Variants in NEK10 observed in about 807,000 individuals in gnomAD.
NEK10 encodes the protein serine/threonine-protein kinase Nek10.
A neutral mutation model predicts 159.8 loss-of-function variants in NEK10; 122 were observed. The ratio of observed to expected loss-of-function variants is 0.76; its 90% CI spans 0.66 to 0.89. The LOEUF (loss-of-function observed/expected upper bound fraction) is 0.89. Among genes scored for constraint, NEK10 ranks in the 40% least tolerant of loss-of-function variants. The pLI is 0.00. For missense variants in NEK10, 1,342 were observed against 1,323.1 expected, an observed-to-expected ratio of 1.01 and a Z score of -0.22; for synonymous variants, 466 against 457.1, an observed-to-expected ratio of 1.02 and a Z score of -0.25.
At chr3:27,117,140 C>T (rs1421086565) in intron 33 of NEK10, among the ~76,000 whole-genome samples, 1 of 152,164 alleles carries the variant, frequency 6.6e-6, no homozygotes. Context: ...ATCCATGTCC[C>T]TGCAAAGGAC....
At position 27,284,658 on chromosome 3, in the gene NEK10, T is replaced by C. The variant is rs2042443418; in HGVS notation, c.1958A>G (p.His653Arg). The C allele has an allele frequency of 2.5e-6, 4 of 1,610,454 alleles. No homozygotes were observed. Among genetic ancestry groups the C allele is most frequent in the African/African-American group, 2.7e-5 (2 of 74,816 alleles). ...RYLHKEKRIV[H>R]RDLTPNNIML... ...AATGTTGTTTGGTGTCAGATCTCTA[T>C]GGACAATCCTCTTCTCCTTGTGTAA... The change falls in exon 22 of 36, where the codon CAT (histidine) becomes CGT (arginine). Residue 653 changes from histidine to arginine, a missense_variant. His to Arg is a conservative substitution (Grantham distance 29). Coordinates refer to ENST00000691995, the MANE Select transcript of NEK10 (RefSeq NM_001394966.1).
chr3:27,346,332 A>G (rs1276032325), intron 3 of NEK10, 116 bp from the exon 4 acceptor site: 5 of 1,050,076 alleles, frequency 4.8e-6, no homozygotes, highest in Admixed American at 4.1e-5. Context: ...AATAATTAAG[A>G]TAACAACCCT....
Position 27,274,440 on chromosome 3 carries a change from G to C in NEK10, c.2014+10162C>G, listed in dbSNP as rs2149410535. ...CTTAGCTCAGACTCAAATAGACACT[G>C]TATCTGGGGTTAATGGGAAGTAAAC... On this transcript the variant is annotated intron_variant, in intron 22 of 35. Transcript: ENST00000691995. 1.3e-5 allele frequency among the ~76,000 whole-genome samples: 2 copies of C among 152,242 alleles called. 1 individual carries two copies. Among genetic ancestry groups the C allele is most frequent in the Middle Eastern group, 6.8e-3 (2 of 294 alleles).
At chr3:27,114,062 A>G (rs1327179562) in intron 35 of NEK10, among the ~76,000 whole-genome samples, 1 of 152,224 alleles carries the variant, frequency 6.6e-6, no homozygotes, top group African/African-American at 2.4e-5. Flanking sequence ...AATGTAATTT[A>G]TCATACAACC....
intron 20 of NEK10, 100 bp from the exon 21 acceptor site, chr3:27,285,061 G>A (rs1403823550): frequency 3.5e-6 from 3 of 851,048 alleles, no homozygotes; most frequent in African/African-American, 3.5e-5. Context: ...GTCTGTGCGG[G>A]ACACTAACAC....
rs796985514 is a variant in NEK10, at chr3:27,171,735, T to C, written c.2831+84A>G. ...ATTTCCGCAGGCACATGGAAACTTC[T>C]GGCTATCAGGTTTCAATTCAGCTGA... is the stretch of plus-strand genomic sequence containing the variant. On this transcript the variant is annotated intron_variant, in intron 29 of 35. Transcript: ENST00000691995. 2.0e-5 allele frequency: 28 copies of C among 1,421,134 alleles called. No homozygotes were observed. The African/African-American group carries it at 2.1e-4, about 11-fold the overall frequency. The allele number at this position is 1,421,134 out of a possible 1,614,324, so 88.0% of individuals were successfully genotyped here.
At chr3:27,367,215 C>T (rs1389066178) in intron 1 of NEK10, among the ~76,000 whole-genome samples, 2 of 152,168 alleles carry the variant, frequency 1.3e-5, no homozygotes, top group South Asian at 2.1e-4. Flanking sequence ...GAGCTAGGTG[C>T]TATTATACCC....
chr3:27,158,156 T>C (rs1453010932), intron 30 of NEK10, among the ~76,000 whole-genome samples: 1 of 152,172 alleles, frequency 6.6e-6, no homozygotes, highest in Non-Finnish European at 1.5e-5. Flanking sequence ...TCTATCAAAG[T>C]TGCAATGAAG....
At chr3:27,352,582 G>A (rs554347608) in intron 2 of NEK10, 57 bp from the exon 3 acceptor site, 39 of 1,295,186 alleles carry the variant, frequency 3.0e-5, no homozygotes, top group East Asian at 1.4e-4. Flanking sequence ...GAACAAGATC[G>A]TGTTACCCAC....
At chr3:27,180,514 T>G (rs1947975359) in intron 26 of NEK10, among the ~76,000 whole-genome samples, 1 of 152,094 alleles carries the variant, frequency 6.6e-6, no homozygotes, top group Admixed American at 6.6e-5. Context: ...AAGAAATTTT[T>G]TGTTTCTCAA....
At chr3:27,196,917 G>C (rs1379201601) in intron 25 of NEK10, among the ~76,000 whole-genome samples, 1 of 152,138 alleles carries the variant, frequency 6.6e-6, no homozygotes, top group Non-Finnish European at 1.5e-5. Context: ...TTAGCAACAA[G>C]GCATGATCCA....
intron 23 of NEK10, among the ~76,000 whole-genome samples, chr3:27,226,860 A>T (rs950757572): frequency 6.6e-6 from 1 of 152,196 alleles, no homozygotes; most frequent in Non-Finnish European, 1.5e-5. Flanking sequence ...TCAAACACAC[A>T]ATCCTAAAAT....
chr3:27,344,434 GCAGA>G (rs2047412418), intron 4 of NEK10, 64 bp from the exon 5 acceptor site: 1 of 784,890 alleles, frequency 1.3e-6, no homozygotes. Flanking sequence ...AGTTGCCAGT[GCAGA>G]CAAAGATCAT....
intron 9 of NEK10, chr3:27,310,418 T>C (rs2044599736): frequency 6.6e-6 from 1 of 152,272 alleles, no homozygotes; most frequent in African/African-American, 2.4e-5. Context: ...CTTGCTCCCA[T>C]ATACACTAGA....
chr3:27,201,356 T>C (rs562386265), intron 25 of NEK10, among the ~76,000 whole-genome samples, 154 bp downstream of exon 25: 3 of 152,316 alleles, frequency 2.0e-5, no homozygotes, highest in Admixed American at 2.0e-4. Flanking sequence ...ATCCAAATAG[T>C]CACTGTTACT....
chr3:27,164,802 T>C (rs1946335675), intron 29 of NEK10, among the ~76,000 whole-genome samples: 1 of 152,218 alleles, frequency 6.6e-6, no homozygotes, highest in Non-Finnish European at 1.5e-5. Flanking sequence ...TGTGGCAAAC[T>C]TGTATCCATC....
intron 1 of NEK10, among the ~76,000 whole-genome samples, chr3:27,368,414 C>G (rs1377052704): frequency 2.0e-5 from 3 of 151,802 alleles, no homozygotes; most frequent in Non-Finnish European, 4.4e-5. Context: ...TCGGAGAAGC[C>G]AGATGGGTGT....
chr3:27,175,732 A>G (rs1201124438), intron 26 of NEK10, among the ~76,000 whole-genome samples: 1 of 152,202 alleles, frequency 6.6e-6, no homozygotes. Context: ...GTGCTGGCAA[A>G]GTAAAGCTAC....
intron 25 of NEK10, among the ~76,000 whole-genome samples, chr3:27,196,988 T>C (rs1949614330): frequency 6.6e-6 from 1 of 152,084 alleles, no homozygotes; most frequent in Non-Finnish European, 1.5e-5. Context: ...ATACTAACCA[T>C]GATGATTGCC....
Sources: gnomAD v4.1 joint callset for allele counts (sites outside exome capture counted in the v4.1 genomes callset) on GRCh38, gnomAD v4.1.1 for gene constraint, MANE v1.5 for transcripts, NCBI Gene and HGNC (gene_info 2026-07-23, HGNC 2026-07-21) for gene names.